The following FHIT variants were observed in gnomAD, a reference collection of about 807,000 sequenced individuals.
FHIT encodes fragile histidine triad diadenosine triphosphatase.
In FHIT, 19 loss-of-function variants were observed where a neutral mutation model predicts 17.9. That is an observed-to-expected ratio of 1.06 (90% confidence interval 0.74 to 1.56). The LOEUF is 1.56. FHIT is among the 40% of genes most tolerant of loss of function. The pLI is 0.00. For missense variants in FHIT, 248 were observed against 189.2 expected (o/e 1.31, Z -1.82); for synonymous variants, 81 against 69.7 (o/e 1.16, Z -0.81).
At chr3:60,384,308 T>G (rs1700921600) in intron 5 of FHIT, among the ~76,000 whole-genome samples, 3 of 151,838 alleles carry the variant, frequency 2.0e-5, no homozygotes, top group African/African-American at 7.3e-5. Context: ...TAATAGAGAC[T>G]ATTACTAATC....
intron 5 of FHIT, among the ~76,000 whole-genome samples, chr3:60,526,469 G>C (rs1023450986): frequency 1.3e-5 from 2 of 152,070 alleles, no homozygotes; most frequent in African/African-American, 4.8e-5. Flanking sequence ...TCATTTACAG[G>C]AACCGGGGGA....
At chr3:60,871,029 T>G (rs1427942787) in intron 3 of FHIT, among the ~76,000 whole-genome samples, 1 of 152,108 alleles carries the variant, frequency 6.6e-6, no homozygotes, top group Non-Finnish European at 1.5e-5. Flanking sequence ...GATGGCACAA[T>G]AGGAGCACTG....
At chr3:60,296,985 T>G (rs1708242259) in intron 5 of FHIT, among the ~76,000 whole-genome samples, 1 of 151,614 alleles carries the variant, frequency 6.6e-6, no homozygotes. Flanking sequence ...TTCTCTATTC[T>G]GTTGCATTTA....
At chr3:60,702,100 G>T (rs1168249855) in intron 4 of FHIT, among the ~76,000 whole-genome samples, 1 of 152,200 alleles carries the variant, frequency 6.6e-6, no homozygotes, top group African/African-American at 2.4e-5. Context: ...TGGGGCTCAA[G>T]CACTCTGCCC....
At chr3:61,015,453 C>T (rs865853961) in intron 3 of FHIT, among the ~76,000 whole-genome samples, 3 of 152,090 alleles carry the variant, frequency 2.0e-5, no homozygotes, top group Non-Finnish European at 4.4e-5. Flanking sequence ...ATTCTATATC[C>T]TTTTGGATTA....
At chr3:60,076,314 A>G (rs1703003660) in intron 5 of FHIT, among the ~76,000 whole-genome samples, 3 of 152,102 alleles carry the variant, frequency 2.0e-5, no homozygotes, top group Admixed American at 2.0e-4. Flanking sequence ...TATTCTAAGT[A>G]TTCAGAATGA....
At chr3:60,850,411 A>G (rs1353539461) in intron 3 of FHIT, among the ~76,000 whole-genome samples, 1 of 147,378 alleles carries the variant, frequency 6.8e-6, no homozygotes, top group Non-Finnish European at 1.5e-5. Context: ...CTCTAATGTT[A>G]TCTCTTCAGA....
In FHIT at chr3:60,707,566, G is replaced by C. The variant is rs528749085; in HGVS notation, c.-18+114353C>G. Among the ~76,000 whole-genome samples, 5 of 152,286 alleles carry C rather than the reference G, an allele frequency of 3.3e-5. No individual in the cohort carries two copies. The South Asian group carries it at 8.3e-4, about 25-fold the overall frequency. On this transcript the variant is annotated intron_variant, in intron 4 of 9. Transcript: ENST00000492590. Reference sequence around the variant, plus strand: ...AGGAGATGTCAGATGTCAGTAATCAGAGGGAACCCATCTACAGTCAATGCA... The same window carrying C: ...AGGAGATGTCAGATGTCAGTAATCACAGGGAACCCATCTACAGTCAATGCA...
At position 60,123,968 on chromosome 3, in the gene FHIT, AT is replaced by A. The variant is rs1336674217; in HGVS notation, c.104-109817del. Among the ~76,000 whole-genome samples, 81 of 18,610 alleles carry A rather than the reference AT, an allele frequency of 4.4e-3. 1 individual carries two copies. Among genetic ancestry groups the A allele is most frequent in the East Asian group, 0.026 (8 of 310 alleles). The allele number at this position is 18,610 out of a possible 152,430, so 12.2% of individuals were successfully genotyped here. A position where few individuals can be genotyped will look rare whatever the true frequency, so the allele number is the denominator to read the frequency against. On this transcript the variant is annotated intron_variant, in intron 5 of 9. Coordinates refer to ENST00000492590, the MANE Select transcript of FHIT (RefSeq NM_002012.4). The stretch of plus-strand genomic sequence containing the variant: ...TTCCATTAACAGAAATGCACTAAAA[AT>A]ATATATATATATATATATATATATA...
At chr3:60,007,160 C>T (rs1195588732) in intron 7 of FHIT, among the ~76,000 whole-genome samples, 3 of 152,094 alleles carry the variant, frequency 2.0e-5, no homozygotes, top group Admixed American at 1.3e-4. Flanking sequence ...ATACCTAAAA[C>T]CGCCTCCCAC....
intron 5 of FHIT, among the ~76,000 whole-genome samples, chr3:60,361,236 T>A (rs1699893749): frequency 6.6e-6 from 1 of 152,124 alleles, no homozygotes; most frequent in Non-Finnish European, 1.5e-5. Flanking sequence ...TACAATGCTA[T>A]AAAGAAGAGA....
At chr3:60,924,271 C>A (rs1323559075) in intron 3 of FHIT, among the ~76,000 whole-genome samples, 1 of 152,182 alleles carries the variant, frequency 6.6e-6, no homozygotes, top group African/African-American at 2.4e-5. Flanking sequence ...TCAAGTGGGT[C>A]CCTGACCCCC....
intron 3 of FHIT, among the ~76,000 whole-genome samples, chr3:60,953,436 T>C (rs1317364533): frequency 7.2e-6 from 1 of 139,674 alleles, no homozygotes; most frequent in Non-Finnish European, 1.6e-5. Context: ...TTCCAAACTA[T>C]CCTACTTAAA....
intron 8 of FHIT, among the ~76,000 whole-genome samples, chr3:59,772,798 C>T (rs559152694): frequency 6.6e-6 from 1 of 152,300 alleles, no homozygotes; most frequent in South Asian, 2.1e-4. Flanking sequence ...ATAACTGCAA[C>T]TAGCTTGTGC....
chr3:60,178,001 C>A (rs968191402), intron 5 of FHIT, among the ~76,000 whole-genome samples: 1 of 152,122 alleles, frequency 6.6e-6, no homozygotes, highest in Admixed American at 6.5e-5. Context: ...GTCCTAGCTA[C>A]GGGAAAGTGA....
intron 7 of FHIT, among the ~76,000 whole-genome samples, chr3:59,936,816 C>T (rs190156441): frequency 2.6e-5 from 4 of 152,228 alleles, no homozygotes; most frequent in African/African-American, 9.6e-5. Context: ...ACTAGCTGAG[C>T]GCAATACTAC....
chr3:60,098,038 C>T (rs1164189915), intron 5 of FHIT, among the ~76,000 whole-genome samples: 4 of 151,858 alleles, frequency 2.6e-5, no homozygotes, highest in Non-Finnish European at 5.9e-5. Flanking sequence ...CTGCAAAGGA[C>T]ATGAACTGAT....
At chr3:60,623,514 G>A (rs1386309552) in intron 4 of FHIT, among the ~76,000 whole-genome samples, 4 of 151,948 alleles carry the variant, frequency 2.6e-5, no homozygotes, top group Non-Finnish European at 5.9e-5. Context: ...ATCTGTGCTG[G>A]GCTGTGTTCT....
chr3:60,654,700 G>C (rs181175069), intron 4 of FHIT, among the ~76,000 whole-genome samples: 67 of 152,310 alleles, frequency 4.4e-4, no homozygotes, highest in Middle Eastern at 3.4e-3. Flanking sequence ...CAATGTCTTT[G>C]AGTATCACAG....
Sources: gnomAD v4.1 joint callset for allele counts (sites outside exome capture counted in the v4.1 genomes callset) on GRCh38, gnomAD v4.1.1 for gene constraint, MANE v1.5 for transcripts, NCBI Gene and HGNC (gene_info 2026-07-23, HGNC 2026-07-21) for gene names.